Variants in NFIA observed in about 807,000 individuals in gnomAD.
The protein encoded by NFIA is nuclear factor I A.
A neutral mutation model predicts 62.8 loss-of-function variants in NFIA; 8 were observed. The observed-to-expected ratio is 0.13, with a 90% confidence interval of 0.07 to 0.23. The LOEUF is 0.23. Among genes scored for constraint, NFIA ranks in the 10% least tolerant of loss-of-function variants. NFIA has a pLI of 1.00. For missense variants in NFIA, 410 were observed against 642.1 expected, an observed-to-expected ratio of 0.64 and a Z score of 3.91; for synonymous variants, 235 against 238.1, an observed-to-expected ratio of 0.99 and a Z score of 0.12.
chr1:61,353,189 T>C (rs568790800), intron 5 of NFIA, among the ~76,000 whole-genome samples: 5 of 151,880 alleles, frequency 3.3e-5, no homozygotes, highest in Non-Finnish European at 5.9e-5. Flanking sequence ...TGAAACCCAT[T>C]TGATATCCTG....
rs1224612369 is a variant in NFIA at position 61,229,629 on chromosome 1, A to G, written c.560-47891A>G. On this transcript the variant is annotated intron_variant, in intron 2 of 10. Transcript: ENST00000403491. ...AGAATCCCATCCTTGCTCTGTGATC[A>G]AAGTCTGATTGAATCAGGAGCTGTG... is the stretch of plus-strand genomic sequence containing the variant. 2.0e-5 allele frequency among the ~76,000 whole-genome samples: 3 copies of G among 152,298 alleles called. No homozygotes were observed. In the East Asian group the frequency reaches 5.8e-4, roughly 29 times the overall value.
chr1:61,403,246 C>G (rs929967610), intron 7 of NFIA, among the ~76,000 whole-genome samples: 3 of 152,210 alleles, frequency 2.0e-5, no homozygotes, highest in Non-Finnish European at 4.4e-5. Flanking sequence ...ATGCACTGCT[C>G]TTATCCTCCA....
At chr1:61,375,362 A>T (rs1431467557) in intron 6 of NFIA, among the ~76,000 whole-genome samples, 1 of 152,176 alleles carries the variant, frequency 6.6e-6, no homozygotes, top group East Asian at 1.9e-4. Context: ...CCACACTTAG[A>T]TCTAGTGGAG....
intron 10 of NFIA, among the ~76,000 whole-genome samples, chr1:61,430,485 G>A (rs566321747): frequency 6.6e-6 from 1 of 152,258 alleles, no homozygotes; most frequent in South Asian, 2.1e-4. Flanking sequence ...ACGCTGTTTG[G>A]TAGCCTGCTG....
At chr1:61,149,185 C>T (rs1648229787) in intron 2 of NFIA, among the ~76,000 whole-genome samples, 1 of 151,928 alleles carries the variant, frequency 6.6e-6, no homozygotes, top group South Asian at 2.1e-4. Flanking sequence ...CTTTAGCAAC[C>T]ACACCCAGCC....
Position 61,456,156 on chromosome 1 carries a change from T to G in NFIA, c.*836T>G, listed in dbSNP as rs570393639. ...AACTGACAGGAATCAATCAAAACAA[T>G]CGAATTTTGAATTGAGTAAAGTGCA... is the stretch of plus-strand genomic sequence containing the variant. On this transcript the variant is annotated 3_prime_UTR_variant, in exon 11 of 11. Transcript: ENST00000403491. 1 of 152,744 alleles carries G rather than the reference T, an allele frequency of 6.5e-6. No homozygotes were observed. The highest frequency in any genetic ancestry group is 1.9e-4 in the East Asian group (1 of 5,182). 9.5% of individuals were successfully genotyped at this position (152,744 alleles called of 1,614,324 possible).
At chr1:61,398,220 C>A (rs574537967) in intron 7 of NFIA, among the ~76,000 whole-genome samples, 2 of 152,304 alleles carry the variant, frequency 1.3e-5, no homozygotes, top group African/African-American at 4.8e-5. Flanking sequence ...GCAACAGAGA[C>A]CATATAGCCT....
chr1:61,439,406 T>G (rs1569881774), intron 10 of NFIA: 2 of 151,302 alleles, frequency 1.3e-5, no homozygotes, highest in East Asian at 3.9e-4. Context: ...CAGAGAGCAC[T>G]TTACTTAAGT....
At chr1:61,411,244 C>T (rs1484489415) in intron 9 of NFIA, among the ~76,000 whole-genome samples, 1 of 151,452 alleles carries the variant, frequency 6.6e-6, no homozygotes, top group East Asian at 1.9e-4. Context: ...AGGGGGAAGG[C>T]AGATGTGGGG....
chr1:61,451,237 G>A (rs1668046225), intron 10 of NFIA, among the ~76,000 whole-genome samples: 2 of 152,158 alleles, frequency 1.3e-5, no homozygotes, highest in African/African-American at 4.8e-5. Context: ...GAACTTTCAT[G>A]GAGCTGTAAA....
At chr1:61,163,722 G>A (rs531144544) in intron 2 of NFIA, among the ~76,000 whole-genome samples, 1 of 152,298 alleles carries the variant, frequency 6.6e-6, no homozygotes, top group African/African-American at 2.4e-5. Flanking sequence ...TAGCAAAACA[G>A]AAAATACTTT....
At chr1:61,437,762 A>C (rs1486204829) in intron 10 of NFIA, among the ~76,000 whole-genome samples, 1 of 152,188 alleles carries the variant, frequency 6.6e-6, no homozygotes, top group Non-Finnish European at 1.5e-5. Flanking sequence ...TGAAGGAGAC[A>C]GATATACTTG....
At chr1:61,415,173 A>G (rs747208372) in intron 9 of NFIA, among the ~76,000 whole-genome samples, 14 of 152,208 alleles carry the variant, frequency 9.2e-5, no homozygotes, top group Admixed American at 3.9e-4. Context: ...TTAGTGAGTA[A>G]AGTATATTGG....
chr1:61,080,111 C>T (rs1452651379), upstream of NFIA, among the ~76,000 whole-genome samples: 1 of 152,082 alleles, frequency 6.6e-6, no homozygotes, highest in African/African-American at 2.4e-5. Flanking sequence ...GGATCCAGCC[C>T]TTGCCTAGAG....
At chr1:61,124,189 G>A (rs537072440) in intron 2 of NFIA, among the ~76,000 whole-genome samples, 2 of 152,310 alleles carry the variant, frequency 1.3e-5, no homozygotes, top group Non-Finnish European at 2.9e-5. Context: ...TTGGCCAGTC[G>A]TTCAGCTTCT....
chr1:61,184,131 A>C (rs1570332943), intron 2 of NFIA, among the ~76,000 whole-genome samples: 1 of 147,616 alleles, frequency 6.8e-6, no homozygotes, highest in African/African-American at 2.5e-5. Context: ...AAACCAAAAA[A>C]AAAAAAAAAA....
chr1:61,269,108 C>T (rs538869795), intron 2 of NFIA, among the ~76,000 whole-genome samples: 34 of 151,710 alleles, frequency 2.2e-4, no homozygotes, highest in Non-Finnish European at 3.5e-4. Flanking sequence ...TCTAGGAAGA[C>T]AAGCTAAACC....
chr1:61,221,311 A>C (rs1654004410), intron 2 of NFIA, among the ~76,000 whole-genome samples: 1 of 152,090 alleles, frequency 6.6e-6, no homozygotes, highest in Non-Finnish European at 1.5e-5. Flanking sequence ...ACATTTCTAC[A>C]CTTTGGTGTC....
intron 2 of NFIA, among the ~76,000 whole-genome samples, chr1:61,196,720 A>C (rs185162634): frequency 6.6e-6 from 1 of 152,310 alleles, no homozygotes; most frequent in Admixed American, 6.5e-5. Flanking sequence ...AGCTTGAAGC[A>C]GTGTTGTCTG....
Sources: gnomAD v4.1 joint callset for allele counts (sites outside exome capture counted in the v4.1 genomes callset) on GRCh38, gnomAD v4.1.1 for gene constraint, MANE v1.5 for transcripts, NCBI Gene and HGNC (gene_info 2026-07-23, HGNC 2026-07-21) for gene names.